The following CMSS1 variants were observed in gnomAD, a reference collection of about 807,000 sequenced individuals.
CMSS1 encodes protein CMSS1.
A neutral mutation model predicts 43.5 loss-of-function variants in CMSS1; 33 were observed. The observed-to-expected ratio is 0.76, with a 90% CI of 0.57 to 1.01. CMSS1 has a LOEUF of 1.01. CMSS1 is among the 50% of genes least tolerant of loss of function. The pLI is 0.00. For missense variants in CMSS1, 313 were observed against 326.4 expected (o/e 0.96, Z 0.32); for synonymous variants, 115 against 117.2 (o/e 0.98, Z 0.12).
At chr3:99,962,546 G>A (rs1185101624) in intron 1 of CMSS1, among the ~76,000 whole-genome samples, 1 of 152,132 alleles carries the variant, frequency 6.6e-6, no homozygotes, top group African/African-American at 2.4e-5. Flanking sequence ...AGAAAGAAGA[G>A]GAAGAGATAA....
intron 1 of CMSS1, among the ~76,000 whole-genome samples, chr3:99,858,502 A>G (rs1238670486): frequency 6.6e-6 from 1 of 152,220 alleles, no homozygotes; most frequent in Non-Finnish European, 1.5e-5. Flanking sequence ...GTTAAAAATA[A>G]TAAATAATAA....
intron 1 of CMSS1, among the ~76,000 whole-genome samples, chr3:100,069,445 G>A (rs1176411150): frequency 6.6e-6 from 1 of 152,098 alleles, no homozygotes; most frequent in East Asian, 1.9e-4. Flanking sequence ...TTAAGAGAAA[G>A]GAGATGGCTG....
intron 1 of CMSS1, among the ~76,000 whole-genome samples, chr3:100,038,451 T>C (rs917275305): frequency 6.6e-6 from 1 of 152,194 alleles, no homozygotes; most frequent in Non-Finnish European, 1.5e-5. Flanking sequence ...TATAGAGAAT[T>C]CGAGTAGGGA....
In CMSS1 at chr3:99,903,882, C is replaced by T. The variant is rs188727403; in HGVS notation, c.64+85839C>T. On this transcript the variant is annotated intron_variant, in intron 1 of 9. Coordinates refer to ENST00000421999, the MANE Select transcript of CMSS1 (RefSeq NM_032359.4). ...ATAGAGCTGTCGTCCCCTGCTGCTT[C>T]ATTTAATGGTACTCATTTGTCCTAA... Among the ~76,000 whole-genome samples, 578 of 152,282 alleles carry T rather than the reference C, an allele frequency of 3.8e-3. 3 individuals are homozygous for T. Among genetic ancestry groups the T allele is most frequent in the African/African-American group, 0.013 (550 of 41,556 alleles).
intron 1 of CMSS1, among the ~76,000 whole-genome samples, chr3:100,008,334 A>T (rs1316986723): frequency 6.6e-6 from 1 of 152,198 alleles, no homozygotes; most frequent in African/African-American, 2.4e-5. Flanking sequence ...TTGCTTGATA[A>T]AGGCTATGCA....
chr3:99,837,439 G>GA (rs200867964), intron 1 of CMSS1, among the ~76,000 whole-genome samples: 2,003 of 135,452 alleles, frequency 0.015, 19 homozygotes, highest in Non-Finnish European at 0.02. Flanking sequence ...AGAGAAGAGA[G>GA]AAAAAAAAAA....
intron 1 of CMSS1, among the ~76,000 whole-genome samples, chr3:100,016,854 T>TTA (rs1710357737): frequency 6.6e-6 from 1 of 152,252 alleles, no homozygotes; most frequent in South Asian, 2.1e-4. Context: ...TCATGACATC[T>TTA]TAGTCTATGT....
rs1278770856 is a variant in CMSS1 at position 99,907,441 on chromosome 3, G to A, written c.64+89398G>A. 2.0e-5 allele frequency among the ~76,000 whole-genome samples: 3 copies of A among 151,950 alleles called. No homozygotes were observed. The South Asian group carries it at 6.2e-4, about 32-fold the overall frequency. On this transcript the variant is annotated intron_variant, in intron 1 of 9. Transcript: ENST00000421999. ...TTTTTGTATTTTTAGTAGAGACAGG[G>A]TTTCACCATGTTAGCCAGGATGGTC... is the stretch of plus-strand genomic sequence containing the variant.
At chr3:99,908,545 T>C (rs1005359052) in intron 1 of CMSS1, among the ~76,000 whole-genome samples, 2 of 152,190 alleles carry the variant, frequency 1.3e-5, no homozygotes, top group Admixed American at 6.5e-5. Context: ...CAAAGAAGTG[T>C]TAAGAGCTCA....
At chr3:99,902,467 T>G (rs1706467664) in intron 1 of CMSS1, among the ~76,000 whole-genome samples, 1 of 152,212 alleles carries the variant, frequency 6.6e-6, no homozygotes, top group South Asian at 2.1e-4. Flanking sequence ...ACCTTCTGAT[T>G]CTATGGCATG....
At chr3:99,827,996 T>G (rs546927219) in intron 1 of CMSS1, among the ~76,000 whole-genome samples, 2 of 152,384 alleles carry the variant, frequency 1.3e-5, no homozygotes, top group South Asian at 4.1e-4. Context: ...AAATGTACTT[T>G]AGGAAGTCTC....
chr3:99,992,994 G>T (rs549488251), intron 1 of CMSS1, among the ~76,000 whole-genome samples: 1 of 152,090 alleles, frequency 6.6e-6, no homozygotes, highest in East Asian at 1.9e-4. Context: ...CCGTATTTCT[G>T]GGTTCTCTCT....
chr3:100,160,673 G>GAATAAA (rs2067015776), intron 3 of CMSS1, among the ~76,000 whole-genome samples, 172 bp downstream of exon 3: 8 of 152,252 alleles, frequency 5.3e-5, no homozygotes, highest in Non-Finnish European at 1.0e-4. Flanking sequence ...AAGTGTTTCT[G>GAATAAA]TTGGAGCTAA....
chr3:99,896,410 T>G (rs759454148), intron 1 of CMSS1, among the ~76,000 whole-genome samples: 1 of 152,208 alleles, frequency 6.6e-6, no homozygotes, highest in Non-Finnish European at 1.5e-5. Flanking sequence ...AGTACAGCAT[T>G]TCTGTGTGTG....
At chr3:99,840,624 G>A (rs986910981) in intron 1 of CMSS1, among the ~76,000 whole-genome samples, 1 of 152,144 alleles carries the variant, frequency 6.6e-6, no homozygotes, top group African/African-American at 2.4e-5. Context: ...ACTCATGCAG[G>A]TTGTTGGCTT....
At chr3:100,095,401 A>G (rs545138541) in intron 1 of CMSS1, among the ~76,000 whole-genome samples, 11 of 152,336 alleles carry the variant, frequency 7.2e-5, no homozygotes, top group African/African-American at 2.6e-4. Context: ...AACCAACTAC[A>G]TATCAAGAAT....
intron 1 of CMSS1, among the ~76,000 whole-genome samples, chr3:99,867,842 G>C (rs1026437945): frequency 6.6e-6 from 1 of 152,144 alleles, no homozygotes; most frequent in African/African-American, 2.4e-5. Context: ...AATTCCATGG[G>C]ATTCAGATTT....
intron 1 of CMSS1, among the ~76,000 whole-genome samples, chr3:99,841,900 T>C (rs1306243891): frequency 6.6e-6 from 1 of 152,174 alleles, no homozygotes; most frequent in Non-Finnish European, 1.5e-5. Context: ...TGTAAACTAG[T>C]ACGAGCATGG....
At chr3:99,846,767 T>C (rs1389355955) in intron 1 of CMSS1, among the ~76,000 whole-genome samples, 8 of 152,240 alleles carry the variant, frequency 5.3e-5, no homozygotes, top group Admixed American at 5.2e-4. Context: ...AGCTTCCTTT[T>C]ATTCTTAAAG....
Sources: allele counts gnomAD v4.1 joint callset (sites outside exome capture counted in the v4.1 genomes callset), GRCh38; gene constraint gnomAD v4.1.1; transcripts MANE v1.5; gene names NCBI Gene and HGNC (gene_info 2026-07-23, HGNC 2026-07-21).